NRXN3: variants seen among roughly 807,000 people sequenced by gnomAD.
The protein encoded by NRXN3 is neurexin III.
Under a neutral mutation model 137.6 loss-of-function variants are expected in NRXN3, and 32 were observed. That is an observed-to-expected ratio of 0.23 (90% confidence interval 0.18 to 0.31). The LOEUF is 0.31. Among genes scored for constraint, NRXN3 ranks in the 10% least tolerant of loss-of-function variants. NRXN3 has a pLI of 1.00. For missense variants in NRXN3, 1,574 were observed against 2,062.5 expected (o/e 0.76, Z 4.59); for synonymous variants, 798 against 784.5 (o/e 1.02, Z -0.29).
intron 4 of NRXN3, among the ~76,000 whole-genome samples, chr14:78,464,731 T>C (rs913648645): frequency 2.6e-5 from 4 of 152,224 alleles, no homozygotes; most frequent in Non-Finnish European, 5.9e-5. Context: ...AACTGTAAAA[T>C]GCTTCAATTC....
At chr14:79,563,908 G>A (rs2097525792) in intron 16 of NRXN3, among the ~76,000 whole-genome samples, 1 of 151,936 alleles carries the variant, frequency 6.6e-6, no homozygotes, top group Non-Finnish European at 1.5e-5. Context: ...ACTTATCTTG[G>A]TAGGGAGCCA....
At chr14:78,997,451 G>A (rs77608923) in intron 15 of NRXN3, among the ~76,000 whole-genome samples, 5,874 of 152,132 alleles carry the variant, frequency 0.039, 323 homozygotes, top group African/African-American at 0.12. Context: ...GACAATTTTT[G>A]TATTACCATG....
chr14:79,745,472 A>G (rs2098976802), intron 19 of NRXN3, among the ~76,000 whole-genome samples: 1 of 152,142 alleles, frequency 6.6e-6, no homozygotes, highest in African/African-American at 2.4e-5. Flanking sequence ...TATCGTGGCT[A>G]TATTATACTG....
At chr14:78,448,951 T>A (rs558778541) in intron 4 of NRXN3, among the ~76,000 whole-genome samples, 1 of 152,314 alleles carries the variant, frequency 6.6e-6, no homozygotes. Context: ...CCTGCGTAAG[T>A]TCAGAACCAA....
chr14:79,603,235 ATT>A (rs1464883423), intron 16 of NRXN3, among the ~76,000 whole-genome samples: 1 of 48,400 alleles, frequency 2.1e-5, no homozygotes, highest in Non-Finnish European at 3.6e-5. Flanking sequence ...AGGTTACTCC[ATT>A]CCATTGGCCA....
At chr14:78,857,772 G>A (rs2099061536) in intron 10 of NRXN3, among the ~76,000 whole-genome samples, 1 of 152,042 alleles carries the variant, frequency 6.6e-6, no homozygotes, top group South Asian at 2.1e-4. Context: ...GGTGTGTATG[G>A]AAAAAGTGAC....
At chr14:78,396,043 T>C (rs1289091280) in intron 4 of NRXN3, among the ~76,000 whole-genome samples, 3 of 152,056 alleles carry the variant, frequency 2.0e-5, no homozygotes, top group Non-Finnish European at 4.4e-5. Context: ...GTTCTCTGTG[T>C]TTCTCTTTTC....
At chr14:79,000,169 C>A (rs1441625188) in intron 15 of NRXN3, among the ~76,000 whole-genome samples, 2 of 152,130 alleles carry the variant, frequency 1.3e-5, no homozygotes, top group Non-Finnish European at 2.9e-5. Context: ...AAATTAACTA[C>A]ATGCTCTTTG....
chr14:78,984,084 A>G (rs2099496762), intron 14 of NRXN3, among the ~76,000 whole-genome samples: 1 of 152,106 alleles, frequency 6.6e-6, no homozygotes, highest in Admixed American at 6.5e-5. Flanking sequence ...ATGGAAAAAT[A>G]AGAGATGTTG....
chr14:79,083,973 C>T (rs1309637397), intron 15 of NRXN3, among the ~76,000 whole-genome samples: 1 of 152,126 alleles, frequency 6.6e-6, no homozygotes, highest in Non-Finnish European at 1.5e-5. Flanking sequence ...GGCAGGATCA[C>T]AGCCTACTGC....
intron 19 of NRXN3, among the ~76,000 whole-genome samples, chr14:79,776,584 C>A (rs1323780247): frequency 6.6e-6 from 1 of 152,082 alleles, no homozygotes; most frequent in East Asian, 1.9e-4. Flanking sequence ...TTCTGTATTG[C>A]CCTATAGTTA....
chr14:79,133,942 AAAAAAAAAAG>A (rs915659053), intron 15 of NRXN3, among the ~76,000 whole-genome samples: 2 of 110,662 alleles, frequency 1.8e-5, no homozygotes, highest in Admixed American at 8.1e-5. Flanking sequence ...AAAAAGAAAA[AAAAAAAAAAG>A]GAAAGAAAAA....
intron 10 of NRXN3, among the ~76,000 whole-genome samples, chr14:78,957,033 C>T (rs1331736035): frequency 1.3e-5 from 2 of 152,096 alleles, no homozygotes; most frequent in Non-Finnish European, 2.9e-5. Context: ...ATTACTGTAC[C>T]ATTATCCTTT....
At chr14:79,704,758 G>C (rs1208229962) in intron 19 of NRXN3, among the ~76,000 whole-genome samples, 2 of 152,074 alleles carry the variant, frequency 1.3e-5, no homozygotes, top group Admixed American at 1.3e-4. Flanking sequence ...TTCCCTCTTA[G>C]AGAATAATTT....
chr14:79,174,244 G>A (rs2153103725), intron 15 of NRXN3, among the ~76,000 whole-genome samples: 1 of 152,086 alleles, frequency 6.6e-6, no homozygotes, highest in African/African-American at 2.4e-5. Context: ...TAGAAAAATT[G>A]GTGATAAATA....
chr14:79,103,728 T>A (rs2051807617), intron 15 of NRXN3, among the ~76,000 whole-genome samples: 1 of 152,214 alleles, frequency 6.6e-6, no homozygotes, highest in African/African-American at 2.4e-5. Context: ...AGGTATTGTT[T>A]GATCTGGGCC....
intron 4 of NRXN3, among the ~76,000 whole-genome samples, chr14:78,321,779 C>T (rs1269032401): frequency 1.3e-5 from 2 of 152,004 alleles, no homozygotes; most frequent in Non-Finnish European, 2.9e-5. Flanking sequence ...TGCTTTATGC[C>T]TCCAAGGTCT....
intron 16 of NRXN3, among the ~76,000 whole-genome samples, chr14:79,527,497 A>C (rs2097131407): frequency 6.6e-6 from 1 of 152,080 alleles, no homozygotes; most frequent in African/African-American, 2.4e-5. Flanking sequence ...CGCTGTTATG[A>C]ACAATCAATT....
At chr14:79,024,340 T>C (rs1321635913) in intron 15 of NRXN3, among the ~76,000 whole-genome samples, 2 of 152,182 alleles carry the variant, frequency 1.3e-5, no homozygotes, top group African/African-American at 4.8e-5. Context: ...ATTCAGGTTT[T>C]TAAATAAATA....
Sources: allele counts gnomAD v4.1 joint callset (sites outside exome capture counted in the v4.1 genomes callset), GRCh38; gene constraint gnomAD v4.1.1; transcripts MANE v1.5; gene names NCBI Gene and HGNC (gene_info 2026-07-23, HGNC 2026-07-21).